The following S100Z variants were observed in gnomAD, a reference collection of about 807,000 sequenced individuals.
S100Z encodes the protein S100 calcium binding protein Z.
In S100Z, 11 loss-of-function variants were observed where a neutral mutation model predicts 8.5. The observed-to-expected ratio is 1.30, with a 90% CI of 0.82 to 2.15. S100Z has a LOEUF of 2.15. Among genes scored for constraint, S100Z ranks in the 30% most tolerant of loss-of-function variants. S100Z has a pLI of 0.00. For missense variants in S100Z, 126 were observed against 117.9 expected (o/e 1.07, Z -0.32); for synonymous variants, 34 against 43.8 (o/e 0.78, Z 0.89).
the S100Z span, among the ~76,000 whole-genome samples, chr5:76,927,494 C>T: frequency 6.6e-6 from 1 of 152,126 alleles, no homozygotes; most frequent in African/African-American, 2.4e-5. Flanking sequence ...CATTTAAATC[C>T]CTTCCTGGTA....
In S100Z at chr5:76,913,158, G is replaced by A. The variant is rs557229240; in HGVS notation, c.*3-7559G>A. On this transcript the variant is annotated intron_variant, in intron 4 of 4. Coordinates refer to ENST00000317593, the MANE Select transcript of S100Z (RefSeq NM_130772.4). ...CCTTGTTGTCAGTGTAAACAAGGGC[G>A]TAGCCTGAAAGCACTGAGGCCACTG... 2.5e-4 allele frequency among the ~76,000 whole-genome samples: 38 copies of A among 152,338 alleles called. 1 individual carries two copies. Among genetic ancestry groups the A allele is most frequent in the African/African-American group, 7.7e-4 (32 of 41,576 alleles).
chr5:76,916,394 A>G (rs1744855653), intron 4 of S100Z, among the ~76,000 whole-genome samples: 1 of 152,144 alleles, frequency 6.6e-6, no homozygotes, highest in Non-Finnish European at 1.5e-5. Flanking sequence ...TAGACAGAAA[A>G]TCAGCAAGGA....
At chr5:76,893,678 C>T (rs77855117) in intron 4 of S100Z, among the ~76,000 whole-genome samples, 1,564 of 152,222 alleles carry the variant, frequency 0.01, 38 homozygotes, top group African/African-American at 0.035. Context: ...CTCCCCTCGC[C>T]CTGAGGAAAA....
the S100Z span, among the ~76,000 whole-genome samples, chr5:76,934,926 C>T: frequency 1.2e-4 from 18 of 152,280 alleles, no homozygotes; most frequent in South Asian, 2.1e-4. Flanking sequence ...GGATTTCCAA[C>T]GCATCCACCC....
At chr5:76,874,456 G>C (rs927040705) in intron 2 of S100Z, among the ~76,000 whole-genome samples, 4 of 152,062 alleles carry the variant, frequency 2.6e-5, no homozygotes, top group Admixed American at 1.3e-4. Context: ...ATGAGCACTA[G>C]CCTTCTTCAA....
chr5:76,924,399 C>CT (rs1745099647), downstream of S100Z, among the ~76,000 whole-genome samples: 1 of 152,156 alleles, frequency 6.6e-6, no homozygotes. Flanking sequence ...TCTCTGTTCA[C>CT]TTTCAGCAAA....
intron 4 of S100Z, among the ~76,000 whole-genome samples, chr5:76,901,338 G>A (rs1412783167): frequency 6.6e-6 from 1 of 152,230 alleles, no homozygotes; most frequent in African/African-American, 2.4e-5. Context: ...CAAGCTTCAA[G>A]TGGGTCCAGA....
chr5:76,934,863 A>G, the S100Z span, among the ~76,000 whole-genome samples: 3 of 1,084 alleles, frequency 2.8e-3, no homozygotes, highest in African/African-American at 0.056. Flanking sequence ...GACTAAGACA[A>G]TAAGCTCTAG....
the S100Z span, among the ~76,000 whole-genome samples, chr5:76,931,878 C>T: frequency 6.6e-6 from 1 of 152,156 alleles, no homozygotes; most frequent in African/African-American, 2.4e-5. Context: ...TACACATTCA[C>T]ACACACATAG....
At chr5:76,925,875 G>A (rs184194764), downstream of S100Z, among the ~76,000 whole-genome samples, 3 of 152,328 alleles carry the variant, frequency 2.0e-5, no homozygotes, top group East Asian at 5.8e-4. Flanking sequence ...GCTGAGGCAG[G>A]AGAATTGCTT....
chr5:76,922,592 CG>C (rs147348950), downstream of S100Z, among the ~76,000 whole-genome samples: 3,360 of 152,232 alleles, frequency 0.022, 140 homozygotes, highest in African/African-American at 0.075. Flanking sequence ...GTGGCACGAT[CG>C]GCTGACTGCA....
Position 76,871,258 on chromosome 5 carries a change from A to G in S100Z, c.-57+974A>G, listed in dbSNP as rs575623120. Among the ~76,000 whole-genome samples, 14 of 152,324 alleles carry G rather than the reference A, an allele frequency of 9.2e-5. 1 individual carries two copies. In the South Asian group the frequency reaches 2.5e-3, roughly 27 times the overall value. On this transcript the variant is annotated intron_variant, in intron 2 of 4. Transcript: ENST00000317593. ...CCGTCTTTTATGGGGGAAATTTTGCATCTATAGAGAATCTCCATTAATGCA... is the reference window on the plus strand; with the variant it reads ...CCGTCTTTTATGGGGGAAATTTTGCGTCTATAGAGAATCTCCATTAATGCA...
At chr5:76,865,033 C>T (rs944467333) in intron 1 of S100Z, among the ~76,000 whole-genome samples, 2 of 139,698 alleles carry the variant, frequency 1.4e-5, no homozygotes, top group African/African-American at 5.4e-5. Context: ...GTTAGTTTAG[C>T]GTGTACTCCC....
chr5:76,854,873 A>T (rs1027235103), intron 1 of S100Z, among the ~76,000 whole-genome samples: 12 of 152,232 alleles, frequency 7.9e-5, no homozygotes, highest in Admixed American at 6.5e-5. Flanking sequence ...GAATGGTTTC[A>T]TGGGCCAGGC....
At chr5:76,922,355 C>G (rs1745062884), downstream of S100Z, among the ~76,000 whole-genome samples, 1 of 152,120 alleles carries the variant, frequency 6.6e-6, no homozygotes. Flanking sequence ...ACAGACTTTT[C>G]TTCTATTCTT....
chr5:76,877,902 G>C (rs1320307), intron 4 of S100Z, 68 bp downstream of exon 4: 669,292 of 1,039,000 alleles, frequency 0.64, 220,022 homozygotes, highest in Admixed American at 0.71. Flanking sequence ...CATTTATACC[G>C]TTCAGATCTA....
the S100Z span, among the ~76,000 whole-genome samples, chr5:76,926,958 A>T: frequency 1.3e-5 from 2 of 152,302 alleles, no homozygotes; most frequent in Middle Eastern, 3.4e-3. Flanking sequence ...TTTTGTTATG[A>T]ACTCTTTATC....
intron 4 of S100Z, among the ~76,000 whole-genome samples, chr5:76,916,615 A>G (rs1744862354): frequency 1.3e-5 from 2 of 152,158 alleles, no homozygotes. Flanking sequence ...GAAACAAACT[A>G]GAAACCAATA....
chr5:76,916,532 C>CAAAA (rs562923963), intron 4 of S100Z, among the ~76,000 whole-genome samples: 1 of 88,678 alleles, frequency 1.1e-5, no homozygotes, highest in African/African-American at 3.5e-5. Context: ...TGTCCTAGGC[C>CAAAA]AAAAAAAAAA....
Sources: allele counts gnomAD v4.1 joint callset (sites outside exome capture counted in the v4.1 genomes callset), GRCh38; gene constraint gnomAD v4.1.1; transcripts MANE v1.5; gene names NCBI Gene and HGNC (gene_info 2026-07-23, HGNC 2026-07-21).